RAP1A: variants seen among roughly 807,000 people sequenced by gnomAD.
The protein encoded by RAP1A is ras-related protein Rap-1A.
A neutral mutation model predicts 26.4 loss-of-function variants in RAP1A; 6 were observed. The observed-to-expected ratio is 0.23, with a 90% CI of 0.12 to 0.45. RAP1A has a LOEUF of 0.45. RAP1A is among the 20% of genes least tolerant of loss of function. The probability of loss-of-function intolerance (pLI) is 0.99; values close to 1 mark genes in which losing one functional copy is unlikely to be tolerated. For synonymous variants in RAP1A, 73 were observed against 79.4 expected, an observed-to-expected ratio of 0.92 and a Z score of 0.43; for missense variants, 121 against 217.2, an observed-to-expected ratio of 0.56 and a Z score of 2.78.
At chr1:111,649,962 G>GA (rs1660209433) in intron 1 of RAP1A, among the ~76,000 whole-genome samples, 1 of 152,034 alleles carries the variant, frequency 6.6e-6, no homozygotes, top group African/African-American at 2.4e-5. Flanking sequence ...GGATTATTAG[G>GA]AAAAATGTTT....
At chr1:111,642,194 G>A (rs1269469582) in intron 1 of RAP1A, among the ~76,000 whole-genome samples, 2 of 152,034 alleles carry the variant, frequency 1.3e-5, no homozygotes, top group African/African-American at 4.8e-5. Flanking sequence ...GCAGTGAGCC[G>A]AGATCAAGCC....
rs188951329 is a variant in RAP1A at position 111,635,476 on chromosome 1, A to G, written c.-28+15542A>G. On this transcript the variant is annotated intron_variant, in intron 1 of 7. Transcript: ENST00000369709. ...ATATCTATATCTTGTTTGAGGATTA[A>G]ATAAGCATGCCTGAGGTACAAGAAG... Among the ~76,000 whole-genome samples, 306 of 152,364 alleles carry G rather than the reference A, an allele frequency of 2.0e-3. 3 individuals carry two copies. Among genetic ancestry groups the G allele is most frequent in the Admixed American group, 2.0e-3 (31 of 15,312 alleles).
intron 1 of RAP1A, among the ~76,000 whole-genome samples, chr1:111,688,424 A>G (rs1311986292): frequency 6.7e-6 from 1 of 149,606 alleles, no homozygotes; most frequent in Non-Finnish European, 1.5e-5. Flanking sequence ...GGTTCAAGCG[A>G]TTCTCCTGCT....
chr1:111,691,364 C>T lies in RAP1A; in HGVS notation c.4C>T (p.Arg2Cys), dbSNP rs867550709. M[R>C]EYKLVVLGSG... ...CAGTATTTAAACAGATCACATCATG[C>T]GTGAGTACAAGCTAGTGGTCCTTGG... The change falls in exon 2 of 8, where the codon CGT (arginine) becomes TGT (cysteine). Residue 2 changes from arginine to cysteine, a missense_variant. Transcript: ENST00000369709. The T allele has an allele frequency of 1.2e-6, 2 of 1,613,062 alleles. No homozygotes were observed.
At chr1:111,682,240 C>T (rs1661321378) in intron 1 of RAP1A, among the ~76,000 whole-genome samples, 1 of 152,114 alleles carries the variant, frequency 6.6e-6, no homozygotes, top group Admixed American at 6.6e-5. Flanking sequence ...CTGCAAAAAC[C>T]ATACCAAAAT....
chr1:111,660,005 C>T (rs1042541871), intron 1 of RAP1A, among the ~76,000 whole-genome samples: 4 of 152,102 alleles, frequency 2.6e-5, no homozygotes, highest in African/African-American at 9.7e-5. Context: ...ATGTTTAGAT[C>T]GATAAAGGAT....
chr1:111,681,913 A>G (rs1661308451), intron 1 of RAP1A, among the ~76,000 whole-genome samples: 1 of 152,220 alleles, frequency 6.6e-6, no homozygotes, highest in African/African-American at 2.4e-5. Context: ...CCAAGGTTGA[A>G]ACGAAGGAAA....
intron 1 of RAP1A, among the ~76,000 whole-genome samples, chr1:111,679,624 C>T (rs1447573811): frequency 1.3e-5 from 2 of 152,230 alleles, no homozygotes; most frequent in Non-Finnish European, 2.9e-5. Flanking sequence ...CTCAGCAGGT[C>T]CCAACCCCAT....
chr1:111,685,343 A>G (rs767861556), intron 1 of RAP1A, among the ~76,000 whole-genome samples: 10 of 152,184 alleles, frequency 6.6e-5, no homozygotes, highest in Non-Finnish European at 1.0e-4. Context: ...CAGGCAACCT[A>G]CAGAATGGGA....
chr1:111,693,690 C>T (rs1210867725), intron 2 of RAP1A, among the ~76,000 whole-genome samples: 1 of 152,176 alleles, frequency 6.6e-6, no homozygotes, highest in African/African-American at 2.4e-5. Flanking sequence ...TTGCCTGCTT[C>T]TGTATCCAGT....
intron 1 of RAP1A, among the ~76,000 whole-genome samples, chr1:111,658,305 C>T (rs1660529818): frequency 6.6e-6 from 1 of 152,168 alleles, no homozygotes; most frequent in Non-Finnish European, 1.5e-5. Flanking sequence ...GATCACACCA[C>T]TGCAGTCCAG....
chr1:111,664,490 A>G (rs761806866), intron 1 of RAP1A, among the ~76,000 whole-genome samples: 2 of 151,388 alleles, frequency 1.3e-5, no homozygotes, highest in Non-Finnish European at 2.9e-5. Flanking sequence ...TTTAAATATA[A>G]GTTTTCTATT....
chr1:111,648,205 ATTTTT>A, intron 1 of RAP1A: 2 of 269,664 alleles, frequency 7.4e-6, no homozygotes. Flanking sequence ...GTGTGTGTGT[ATTTTT>A]TTTTTTTTGA....
intron 1 of RAP1A, among the ~76,000 whole-genome samples, chr1:111,593,311 T>C (rs549724964): frequency 6.6e-6 from 1 of 152,364 alleles, no homozygotes; most frequent in Non-Finnish European, 1.5e-5. Context: ...AAGCTGCTAA[T>C]TAGGAACCTG....
chr1:111,680,389 T>G (rs1661254462), intron 1 of RAP1A, among the ~76,000 whole-genome samples: 1 of 152,202 alleles, frequency 6.6e-6, no homozygotes, highest in Non-Finnish European at 1.5e-5. Context: ...GAATGCTGGT[T>G]GGTGCATTTA....
At chr1:111,708,127 T>G (rs1002795785) in intron 6 of RAP1A, among the ~76,000 whole-genome samples, 6 of 152,296 alleles carry the variant, frequency 3.9e-5, no homozygotes, top group African/African-American at 1.4e-4. Context: ...AGTGAGCTGA[T>G]TGCACCACTG....
intron 1 of RAP1A, among the ~76,000 whole-genome samples, chr1:111,650,803 C>G (rs1660242612): frequency 6.7e-6 from 1 of 148,608 alleles, no homozygotes; most frequent in African/African-American, 2.5e-5. Flanking sequence ...TAGTTTCTTT[C>G]TTTTTTTTTT....
intron 2 of RAP1A, among the ~76,000 whole-genome samples, chr1:111,693,430 C>T (rs1184012101): frequency 6.6e-6 from 1 of 151,956 alleles, no homozygotes; most frequent in Non-Finnish European, 1.5e-5. Flanking sequence ...GGCAATTCCT[C>T]TCCACTGGAG....
intron 1 of RAP1A, among the ~76,000 whole-genome samples, chr1:111,672,872 C>T (rs1661017186): frequency 6.6e-6 from 1 of 152,168 alleles, no homozygotes. Context: ...CCTCTTCCCA[C>T]TGTGTTTGGC....
Sources: gnomAD v4.1 joint callset for allele counts (sites outside exome capture counted in the v4.1 genomes callset) on GRCh38, gnomAD v4.1.1 for gene constraint, MANE v1.5 for transcripts, NCBI Gene and HGNC (gene_info 2026-07-23, HGNC 2026-07-21) for gene names.